GRIK1: variants seen among roughly 807,000 people sequenced by gnomAD.
The protein encoded by GRIK1 is glutamate ionotropic receptor kainate type subunit 1, also known as glutamate receptor ionotropic, kainate 1.
In GRIK1, 69 loss-of-function variants were observed where a neutral mutation model predicts 105.7. That is an observed-to-expected ratio of 0.65 (90% CI 0.54 to 0.80). The LOEUF (loss-of-function observed/expected upper bound fraction) is 0.80, where lower values mean the gene tolerates loss of function less well. Ranked by LOEUF, GRIK1 falls within the 30% of genes least tolerant of loss-of-function variation. The probability of loss-of-function intolerance (pLI) is 0.00; values close to 1 mark genes in which losing one functional copy is unlikely to be tolerated. For synonymous variants in GRIK1, 438 were observed against 431.3 expected (o/e 1.02, Z -0.19); for missense variants, 1,109 against 1,167.3 (o/e 0.95, Z 0.73).
chr21:29,747,302 A>G (rs2065070554), intron 1 of GRIK1, among the ~76,000 whole-genome samples: 1 of 152,232 alleles, frequency 6.6e-6, no homozygotes, highest in Non-Finnish European at 1.5e-5. Context: ...CCATTTATGC[A>G]TGGTCCTGGC....
chr21:29,715,897 A>C (rs1023954273), intron 1 of GRIK1, among the ~76,000 whole-genome samples: 3 of 151,998 alleles, frequency 2.0e-5, no homozygotes, highest in African/African-American at 7.3e-5. Context: ...ATAGATGTTG[A>C]TATGGTTTGG....
intron 1 of GRIK1, among the ~76,000 whole-genome samples, chr21:29,798,375 T>C (rs1379078974): frequency 6.6e-6 from 1 of 152,218 alleles, no homozygotes; most frequent in Non-Finnish European, 1.5e-5. Context: ...AGGATTATCG[T>C]TCATTACTTT....
At chr21:29,738,929 T>C (rs1296816717) in intron 1 of GRIK1, among the ~76,000 whole-genome samples, 1 of 152,220 alleles carries the variant, frequency 6.6e-6, no homozygotes, top group Non-Finnish European at 1.5e-5. Flanking sequence ...TATTGCGAAA[T>C]TAAACTGTGC....
intron 1 of GRIK1, among the ~76,000 whole-genome samples, chr21:29,871,638 G>C (rs2069015526): frequency 6.6e-6 from 1 of 151,932 alleles, no homozygotes. Flanking sequence ...TGTTGTAAAG[G>C]AGGGAAAAAA....
chr21:29,551,636 T>C (rs2090137610), intron 16 of GRIK1, among the ~76,000 whole-genome samples: 1 of 150,932 alleles, frequency 6.6e-6, no homozygotes, highest in African/African-American at 2.4e-5. Flanking sequence ...TATAGAAATA[T>C]TAACTTTTGA....
chr21:29,559,798 C>T (rs769140467), intron 15 of GRIK1, among the ~76,000 whole-genome samples: 3 of 152,218 alleles, frequency 2.0e-5, no homozygotes, highest in Middle Eastern at 3.4e-3. Flanking sequence ...GGACAATTCA[C>T]CTAAAATCTG....
chr21:29,843,855 C>T (rs2068043794), intron 1 of GRIK1, among the ~76,000 whole-genome samples: 1 of 152,192 alleles, frequency 6.6e-6, no homozygotes, highest in Non-Finnish European at 1.5e-5. Flanking sequence ...AATTTACACA[C>T]TCACTCCTTC....
chr21:29,939,321 A>G, intron 1 of GRIK1, 62 bp downstream of exon 1: 3 of 991,802 alleles, frequency 3.0e-6, no homozygotes, highest in Middle Eastern at 4.2e-4. Flanking sequence ...GGGACCCGCT[A>G]CACCCGCGTT....
chr21:29,867,506 T>A (rs1018179669), intron 1 of GRIK1, among the ~76,000 whole-genome samples: 4 of 151,842 alleles, frequency 2.6e-5, no homozygotes, highest in Non-Finnish European at 4.4e-5. Context: ...CAGAAAAAGC[T>A]ACGAAGGGCC....
At chr21:29,722,248 T>C (rs974744376) in intron 1 of GRIK1, among the ~76,000 whole-genome samples, 7 of 152,088 alleles carry the variant, frequency 4.6e-5, no homozygotes, top group African/African-American at 1.7e-4. Flanking sequence ...TGTGGTCACT[T>C]TCTTCTAAAC....
At chr21:29,710,785 CTCCCTCCT>C (rs1306668970) in intron 1 of GRIK1, among the ~76,000 whole-genome samples, 60 of 48,962 alleles carry the variant, frequency 1.2e-3, no homozygotes, top group African/African-American at 2.3e-3. Context: ...CCCTCCCTCC[CTCCCTCCT>C]TCCTTCCTTC....
intron 7 of GRIK1, among the ~76,000 whole-genome samples, chr21:29,617,039 T>C (rs2061867881): frequency 6.6e-6 from 1 of 152,224 alleles, no homozygotes; most frequent in Admixed American, 6.5e-5. Context: ...TAAAACATTT[T>C]ATAATAAGTA....
intron 1 of GRIK1, among the ~76,000 whole-genome samples, chr21:29,931,422 A>G (rs1602079633): frequency 6.6e-6 from 1 of 152,254 alleles, no homozygotes; most frequent in East Asian, 1.9e-4. Context: ...TTGGGGAGGA[A>G]GACCAGATAG....
chr21:29,835,999 G>A (rs1289884313), intron 1 of GRIK1, among the ~76,000 whole-genome samples: 1 of 129,832 alleles, frequency 7.7e-6, no homozygotes, highest in East Asian at 3.5e-4. Flanking sequence ...GTGAAAGAAA[G>A]CTGTGGGAGA....
chr21:29,737,341 G>A (rs1303466789), intron 1 of GRIK1, among the ~76,000 whole-genome samples: 6 of 152,118 alleles, frequency 3.9e-5, no homozygotes. Flanking sequence ...ATTTTATTGG[G>A]TAATGTTTCA....
At chr21:29,851,354 C>T (rs1325543968) in intron 1 of GRIK1, among the ~76,000 whole-genome samples, 1 of 152,134 alleles carries the variant, frequency 6.6e-6, no homozygotes, top group Non-Finnish European at 1.5e-5. Flanking sequence ...ATCCCCCGGC[C>T]TAGAAATGAT....
Position 29,710,769 on chromosome 21 carries a change from G to C in GRIK1, c.119-16706C>G, listed in dbSNP as rs1295233234. Reference sequence around the variant, plus strand: ...CTTTTGCCTTTCCCTCCCTCCGTCCGTCCCTCCCTCCCTCCCTCCCTCCTT... The same window carrying C: ...CTTTTGCCTTTCCCTCCCTCCGTCCCTCCCTCCCTCCCTCCCTCCCTCCTT... On this transcript the variant is annotated intron_variant, in intron 1 of 17. Coordinates refer to ENST00000327783, the MANE Select transcript of GRIK1 (RefSeq NM_001330994.2). 7.1e-3 allele frequency among the ~76,000 whole-genome samples: 589 copies of C among 83,296 alleles called. 6 individuals are homozygous for C. Among genetic ancestry groups the C allele is most frequent in the African/African-American group, 0.027 (553 of 20,658 alleles). 54.6% of individuals were successfully genotyped at this position (83,296 alleles called of 152,430 possible). A position where few individuals can be genotyped will look rare whatever the true frequency, so the allele number is the denominator to read the frequency against.
At chr21:29,654,785 A>C in intron 5 of GRIK1, 25 bp downstream of exon 5, 1 of 1,354,752 alleles carries the variant, frequency 7.4e-7, no homozygotes, top group Non-Finnish European at 1.1e-6. Flanking sequence ...ACCATGTGGA[A>C]TACATTTCTC....
intron 1 of GRIK1, among the ~76,000 whole-genome samples, chr21:29,849,520 C>A (rs2068239079): frequency 6.6e-6 from 1 of 152,160 alleles, no homozygotes; most frequent in Non-Finnish European, 1.5e-5. Flanking sequence ...TTCCTTAGAG[C>A]GTCAGACACA....
Sources: allele counts gnomAD v4.1 joint callset (sites outside exome capture counted in the v4.1 genomes callset), GRCh38; gene constraint gnomAD v4.1.1; transcripts MANE v1.5; gene names NCBI Gene and HGNC (gene_info 2026-07-23, HGNC 2026-07-21).